NRG4: variants seen among roughly 807,000 people sequenced by gnomAD.
The protein encoded by NRG4 is pro-neuregulin-4, membrane-bound isoform.
Under a neutral mutation model 15.0 loss-of-function variants are expected in NRG4, and 10 were observed. The observed-to-expected ratio is 0.67, with a 90% CI of 0.41 to 1.13. The LOEUF is 1.13. NRG4 is among the 50% of genes most tolerant of loss of function. NRG4 has a pLI of 0.00. For missense variants in NRG4, 139 were observed against 140.2 expected (o/e 0.99, Z 0.04); for synonymous variants, 41 against 50.1 (o/e 0.82, Z 0.77).
At chr15:76,041,548 A>C (rs1340777181) in intron 4 of NRG4, among the ~76,000 whole-genome samples, 1 of 152,184 alleles carries the variant, frequency 6.6e-6, no homozygotes, top group Non-Finnish European at 1.5e-5. Flanking sequence ...TATCAGACAA[A>C]ATAGATTCCA....
At chr15:75,979,137 T>TTATC (rs2033495121) in intron 3 of NRG4, among the ~76,000 whole-genome samples, 1 of 152,198 alleles carries the variant, frequency 6.6e-6, no homozygotes, top group Non-Finnish European at 1.5e-5. Context: ...GTAATCCCAT[T>TTATC]TATCTATGTT....
chr15:75,992,268 G>A (rs1161775853), intron 3 of NRG4, among the ~76,000 whole-genome samples: 1 of 152,116 alleles, frequency 6.6e-6, no homozygotes, highest in Non-Finnish European at 1.5e-5. Flanking sequence ...TGAGATTTAA[G>A]AGACAGTTTT....
At chr15:76,007,320 A>T (rs930453842) in intron 3 of NRG4, among the ~76,000 whole-genome samples, 1 of 152,200 alleles carries the variant, frequency 6.6e-6, no homozygotes, top group Non-Finnish European at 1.5e-5. Flanking sequence ...TTGATTTTTG[A>T]CAAAGGGGCA....
chr15:75,961,329 C>CT (rs940347031), intron 4 of NRG4, among the ~76,000 whole-genome samples: 1 of 151,752 alleles, frequency 6.6e-6, no homozygotes, highest in African/African-American at 2.4e-5. Flanking sequence ...AATTAATTGC[C>CT]TTTTTGTCTG....
chr15:76,055,073 A>G (rs2036121636), intron 2 of NRG4, among the ~76,000 whole-genome samples: 1 of 152,170 alleles, frequency 6.6e-6, no homozygotes, highest in African/African-American at 2.4e-5. Flanking sequence ...TGAAGTCAGG[A>G]GTTGGAGACC....
chr15:75,995,347 T>G (rs1400645521), intron 3 of NRG4, among the ~76,000 whole-genome samples: 1 of 152,108 alleles, frequency 6.6e-6, no homozygotes, highest in Non-Finnish European at 1.5e-5. Flanking sequence ...GGAGCCAGTG[T>G]ATCACCTGGT....
At chr15:75,946,726 G>A (rs952509442) in intron 5 of NRG4, among the ~76,000 whole-genome samples, 3 of 152,040 alleles carry the variant, frequency 2.0e-5, no homozygotes, top group Non-Finnish European at 2.9e-5. Context: ...TATTCCTCCC[G>A]ACAGCCCTGG....
chr15:76,012,349 T>A lies in NRG4; in HGVS notation c.-87A>T, dbSNP rs1339956077. The A allele has an allele frequency of 6.6e-6, 1 of 152,238 alleles. No individual in the cohort carries two copies. The highest frequency in any genetic ancestry group is 1.9e-4 in the East Asian group (1 of 5,190). 9.4% of individuals were successfully genotyped at this position (152,238 alleles called of 1,614,324 possible). ...CACAAAAAATAAATTTTGTTGGACA[T>A]GCAGTGTTTCAAAAGTTTTTGAATA... On this transcript the variant is annotated 5_prime_UTR_variant, in exon 1 of 6. The change abolishes an upstream ATG in the 5' untranslated region. Transcript: ENST00000394907.
Position 75,942,163 on chromosome 15 carries a change from G to A in NRG4, c.*1475C>T, listed in dbSNP as rs2031054296. ...GTTGCCAGAGGTTCAGTGGGAGAGA[G>A]GGAGGGGTAAATACATGGAGTAGAG... On this transcript the variant is annotated 3_prime_UTR_variant, in exon 6 of 6. Coordinates refer to ENST00000394907, the MANE Select transcript of NRG4 (RefSeq NM_138573.4). 6.6e-6 allele frequency: 1 copy of A among 151,924 alleles called. No homozygotes were observed. The highest frequency in any genetic ancestry group is 2.1e-4 in the South Asian group (1 of 4,818). The allele number at this position is 151,924 out of a possible 1,614,324, so 9.4% of individuals were successfully genotyped here. A position where few individuals can be genotyped will look rare whatever the true frequency, so the allele number is the denominator to read the frequency against.
chr15:76,014,875 G>T (rs773614944), upstream of NRG4, among the ~76,000 whole-genome samples: 3 of 152,124 alleles, frequency 2.0e-5, no homozygotes, highest in Non-Finnish European at 4.4e-5. Flanking sequence ...TTCTAATTCT[G>T]TGAAGAAAGT....
intron 3 of NRG4, among the ~76,000 whole-genome samples, chr15:75,974,550 A>G (rs1256693621): frequency 6.6e-6 from 1 of 152,130 alleles, no homozygotes; most frequent in Non-Finnish European, 1.5e-5. Flanking sequence ...AGATTCTGGT[A>G]TATTGTGTCT....
intron 5 of NRG4, among the ~76,000 whole-genome samples, chr15:76,018,628 ACC>A (rs1291721737): frequency 1.3e-5 from 2 of 151,528 alleles, no homozygotes; most frequent in African/African-American, 4.9e-5. Context: ...TTCACTCCAG[ACC>A]CTGTTTGTCT....
At chr15:76,051,664 T>C (rs927011581) in intron 4 of NRG4, among the ~76,000 whole-genome samples, 6 of 149,086 alleles carry the variant, frequency 4.0e-5, no homozygotes, top group African/African-American at 5.1e-5. Context: ...CCGGGGTTCA[T>C]GCCATTCTCC....
chr15:76,032,484 A>T (rs2035498026), intron 5 of NRG4, among the ~76,000 whole-genome samples: 1 of 152,250 alleles, frequency 6.6e-6, no homozygotes, highest in African/African-American at 2.4e-5. Flanking sequence ...AAAATGAAAA[A>T]ACTTCAGACT....
chr15:76,056,700 CTT>C (rs2036160534), intron 2 of NRG4, among the ~76,000 whole-genome samples: 1 of 152,124 alleles, frequency 6.6e-6, no homozygotes, highest in Non-Finnish European at 1.5e-5. Context: ...AATTTAAGGA[CTT>C]TGGGCATTAT....
At chr15:76,048,363 T>C (rs1304351819) in intron 4 of NRG4, among the ~76,000 whole-genome samples, 3 of 148,506 alleles carry the variant, frequency 2.0e-5, no homozygotes, top group Non-Finnish European at 4.4e-5. Context: ...TTCTAGCTAC[T>C]TCGGAGGCTG....
intron 3 of NRG4, among the ~76,000 whole-genome samples, chr15:75,963,824 T>C (rs1181800610): frequency 6.6e-6 from 1 of 150,726 alleles, no homozygotes; most frequent in African/African-American, 2.4e-5. Context: ...GTACCCGTAG[T>C]CCCAGCTACT....
At chr15:76,060,198 C>T (rs1456479630), upstream of NRG4, among the ~76,000 whole-genome samples, 1 of 152,068 alleles carries the variant, frequency 6.6e-6, no homozygotes, top group Non-Finnish European at 1.5e-5. Flanking sequence ...GTGCGTGGGG[C>T]AGCCCAGGGC....
intron 4 of NRG4, among the ~76,000 whole-genome samples, chr15:76,039,670 G>C (rs1174542214): frequency 6.6e-6 from 1 of 152,216 alleles, no homozygotes; most frequent in Non-Finnish European, 1.5e-5. Flanking sequence ...AGAAGGTAGA[G>C]AGAGGGGTAG....
Sources: allele counts gnomAD v4.1 joint callset (sites outside exome capture counted in the v4.1 genomes callset), GRCh38; gene constraint gnomAD v4.1.1; transcripts MANE v1.5; gene names NCBI Gene and HGNC (gene_info 2026-07-23, HGNC 2026-07-21).